ADGRB3: variants seen among roughly 807,000 people sequenced by gnomAD.
The protein encoded by ADGRB3 is adhesion G protein-coupled receptor B3.
A neutral mutation model predicts 193.4 loss-of-function variants in ADGRB3; 37 were observed. The observed-to-expected ratio is 0.19, with a 90% CI of 0.15 to 0.25. The LOEUF (loss-of-function observed/expected upper bound fraction) is 0.25, where lower values mean the gene tolerates loss of function less well. ADGRB3 is among the 10% of genes least tolerant of loss of function. The pLI is 1.00. For missense variants in ADGRB3, 1,637 were observed against 1,852.9 expected (o/e 0.88, Z 2.14); for synonymous variants, 690 against 644.2 (o/e 1.07, Z -1.08).
At chr6:69,101,850 C>G (rs1293558989) in intron 17 of ADGRB3, among the ~76,000 whole-genome samples, 2 of 152,014 alleles carry the variant, frequency 1.3e-5, no homozygotes, top group Admixed American at 1.3e-4. Context: ...AGGATTTGAA[C>G]TCAAACAGTC....
chr6:68,972,153 T>C (rs923427161), intron 8 of ADGRB3, among the ~76,000 whole-genome samples: 1 of 152,262 alleles, frequency 6.6e-6, no homozygotes, highest in African/African-American at 2.4e-5. Flanking sequence ...ATTCCCAAGA[T>C]ATTGAAGGAG....
intron 27 of ADGRB3, among the ~76,000 whole-genome samples, chr6:69,355,112 C>A (rs927035303): frequency 2.6e-5 from 4 of 152,082 alleles, no homozygotes; most frequent in Non-Finnish European, 4.4e-5. Flanking sequence ...TAGCCAAAAT[C>A]TCTGATTTAA....
At chr6:69,040,706 A>AAAAAAAAG (rs1771037463) in intron 13 of ADGRB3, among the ~76,000 whole-genome samples, 1 of 110,380 alleles carries the variant, frequency 9.1e-6, no homozygotes, top group South Asian at 2.8e-4. Flanking sequence ...AAAAAAAAAA[A>AAAAAAAAG]AAACAAACAA....
At chr6:69,348,236 C>T (rs1016224568) in intron 26 of ADGRB3, among the ~76,000 whole-genome samples, 2 of 152,088 alleles carry the variant, frequency 1.3e-5, no homozygotes, top group African/African-American at 4.8e-5. Flanking sequence ...CTCTGTCATG[C>T]CTGCCGTTAA....
intron 17 of ADGRB3, among the ~76,000 whole-genome samples, chr6:69,202,472 GGA>G (rs140802125): frequency 2.2e-3 from 337 of 151,940 alleles, no homozygotes; most frequent in African/African-American, 7.6e-3. Context: ...AGAGAGAGAC[GGA>G]GAGAGAGAGA....
intron 3 of ADGRB3, among the ~76,000 whole-genome samples, chr6:68,824,596 T>A (rs1767808622): frequency 1.3e-5 from 2 of 148,194 alleles, no homozygotes; most frequent in Non-Finnish European, 1.5e-5. Flanking sequence ...ATATGTATAA[T>A]CATGCAATAT....
At chr6:69,108,387 GT>G (rs11322639) in intron 17 of ADGRB3, among the ~76,000 whole-genome samples, 35,548 of 137,858 alleles carry the variant, frequency 0.26, 5,880 homozygotes, top group East Asian at 0.9. Context: ...CAAGCTTCTT[GT>G]TTTTTTTTTT....
chr6:68,728,961 G>A (rs1348087504), intron 3 of ADGRB3, among the ~76,000 whole-genome samples: 1 of 150,964 alleles, frequency 6.6e-6, no homozygotes, highest in Non-Finnish European at 1.5e-5. Context: ...TTTTTATTTA[G>A]AAGCATACAT....
chr6:68,836,966 T>C (rs1015542983), intron 3 of ADGRB3, among the ~76,000 whole-genome samples: 2 of 152,208 alleles, frequency 1.3e-5, no homozygotes, highest in African/African-American at 4.8e-5. Context: ...AAAAGTAACC[T>C]GCCTTTTGAG....
At chr6:68,988,191 T>C (rs1044197929) in intron 10 of ADGRB3, among the ~76,000 whole-genome samples, 1 of 152,124 alleles carries the variant, frequency 6.6e-6, no homozygotes, top group African/African-American at 2.4e-5. Flanking sequence ...CTTTAGGAGT[T>C]TATGGTCTAG....
chr6:68,951,851 C>T (rs1010691475), intron 6 of ADGRB3, among the ~76,000 whole-genome samples: 3 of 152,072 alleles, frequency 2.0e-5, no homozygotes, highest in Admixed American at 6.6e-5. Flanking sequence ...TCTACTACCT[C>T]GCTGCTGAGC....
At chr6:68,771,630 A>T (rs141914445) in intron 3 of ADGRB3, among the ~76,000 whole-genome samples, 1 of 152,292 alleles carries the variant, frequency 6.6e-6, no homozygotes, top group Non-Finnish European at 1.5e-5. Flanking sequence ...CAGTGAGATT[A>T]CATTCTAAAA....
intron 8 of ADGRB3, among the ~76,000 whole-genome samples, chr6:68,968,828 A>C (rs1189120700): frequency 2.0e-5 from 3 of 152,316 alleles, no homozygotes; most frequent in African/African-American, 7.2e-5. Context: ...TTATAGAAAC[A>C]TGAATATCAT....
intron 17 of ADGRB3, among the ~76,000 whole-genome samples, chr6:69,223,775 A>C (rs570614018): frequency 6.7e-6 from 1 of 150,008 alleles, no homozygotes; most frequent in African/African-American, 2.5e-5. Flanking sequence ...TTCTACATTA[A>C]CCTCAAAAGT....
chr6:69,179,871 G>A (rs983445885), intron 17 of ADGRB3, among the ~76,000 whole-genome samples: 1 of 152,308 alleles, frequency 6.6e-6, no homozygotes, highest in African/African-American at 2.4e-5. Context: ...GCATGTACTT[G>A]ATCCTTGTTT....
chr6:69,137,449 A>G (rs932088552), intron 17 of ADGRB3, among the ~76,000 whole-genome samples: 12 of 152,078 alleles, frequency 7.9e-5, no homozygotes, highest in African/African-American at 2.7e-4. Context: ...AATCAATCAG[A>G]AGCTTAAAAG....
At chr6:69,183,869 C>T (rs558960096) in intron 17 of ADGRB3, among the ~76,000 whole-genome samples, 6 of 151,998 alleles carry the variant, frequency 3.9e-5, no homozygotes, top group East Asian at 3.9e-4. Flanking sequence ...TCTGTGTTTC[C>T]GGGACATGGA....
intron 3 of ADGRB3, among the ~76,000 whole-genome samples, chr6:68,821,948 C>T (rs921303698): frequency 4.0e-5 from 6 of 151,800 alleles, no homozygotes; most frequent in South Asian, 4.1e-4. Context: ...ACAAAATCCA[C>T]GGAGGTAGGT....
At chr6:69,065,617 T>C (rs1012467925) in intron 16 of ADGRB3, among the ~76,000 whole-genome samples, 1 of 152,232 alleles carries the variant, frequency 6.6e-6, no homozygotes, top group East Asian at 1.9e-4. Context: ...ATATATTCTA[T>C]GTACTGAGAT....
Sources: gnomAD v4.1 joint callset for allele counts (sites outside exome capture counted in the v4.1 genomes callset) on GRCh38, gnomAD v4.1.1 for gene constraint, MANE v1.5 for transcripts, NCBI Gene and HGNC (gene_info 2026-07-23, HGNC 2026-07-21) for gene names.